MYO1D: variants seen among roughly 807,000 people sequenced by gnomAD.
The protein encoded by MYO1D is myosin ID, also known as unconventional myosin-Id.
In MYO1D, 83 loss-of-function variants were observed where a neutral mutation model predicts 122.0. That is an observed-to-expected ratio of 0.68 (90% confidence interval 0.57 to 0.82). The LOEUF (loss-of-function observed/expected upper bound fraction) is 0.82. Ranked by LOEUF, MYO1D falls within the 40% of genes least tolerant of loss-of-function variation. The pLI is 0.00. For missense variants in MYO1D, 1,157 were observed against 1,269.5 expected (o/e 0.91, Z 1.35); for synonymous variants, 464 against 446.9 (o/e 1.04, Z -0.48).
At chr17:32,554,270 G>A (rs1394320989) in intron 21 of MYO1D, among the ~76,000 whole-genome samples, 2 of 151,968 alleles carry the variant, frequency 1.3e-5, no homozygotes, top group African/African-American at 4.8e-5. Flanking sequence ...CCTGATGGGT[G>A]TACTCTGTAC....
At chr17:32,527,755 G>A (rs1028466872) in intron 21 of MYO1D, among the ~76,000 whole-genome samples, 1 of 152,098 alleles carries the variant, frequency 6.6e-6, no homozygotes. Flanking sequence ...CTGTGACTGT[G>A]CTACTGCATT....
At chr17:32,613,925 CT>C (rs2087737965) in intron 20 of MYO1D, among the ~76,000 whole-genome samples, 1 of 149,794 alleles carries the variant, frequency 6.7e-6, no homozygotes, top group African/African-American at 2.5e-5. Context: ...CTGGCTTTCA[CT>C]TTTTTCAGCC....
intron 1 of MYO1D, among the ~76,000 whole-genome samples, chr17:32,868,474 A>G (rs1054261317): frequency 6.6e-6 from 1 of 152,070 alleles, no homozygotes; most frequent in Admixed American, 6.5e-5. Context: ...CGCCATTGCA[A>G]ACTTTCATCC....
chr17:32,611,216 T>A (rs1054035514), intron 20 of MYO1D, among the ~76,000 whole-genome samples: 2 of 152,172 alleles, frequency 1.3e-5, no homozygotes, highest in Non-Finnish European at 2.9e-5. Flanking sequence ...AAATCTCTAA[T>A]CCATATTCTC....
intron 15 of MYO1D, among the ~76,000 whole-genome samples, chr17:32,715,010 T>A (rs185324487): frequency 6.6e-6 from 1 of 151,554 alleles, no homozygotes; most frequent in African/African-American, 2.4e-5. Flanking sequence ...GCAAAGGATA[T>A]AAACAGACAC....
At chr17:32,571,067 G>A (rs535762613) in intron 21 of MYO1D, among the ~76,000 whole-genome samples, 1 of 152,178 alleles carries the variant, frequency 6.6e-6, no homozygotes, top group South Asian at 2.1e-4. Flanking sequence ...GGTGGGTGGA[G>A]GGAAAAGTAA....
intron 1 of MYO1D, among the ~76,000 whole-genome samples, chr17:32,808,417 T>C (rs2151048408): frequency 6.7e-6 from 1 of 150,170 alleles, no homozygotes; most frequent in South Asian, 2.2e-4. Context: ...AAGTAATACG[T>C]CAATAATCAG....
chr17:32,771,210 C>A lies in MYO1D; in HGVS notation c.629G>T (p.Gly210Val). Reference sequence around the variant, plus strand: ...AGAGCGTAGCATTTGTTCTGAACCTCCTTGGAGTAGCTGAAAAATATTTAA... The same window carrying A: ...AGAGCGTAGCATTTGTTCTGAACCTACTTGGAGTAGCTGAAAAATATTTAA... ...SFHSFYQLLQ[G>V]GSEQMLRSLH... Residue 210 changes from glycine (G) to valine (V), a missense_variant, in exon 6 of 22, where the codon GGA becomes GTA. Physicochemically the swap from Gly to Val is moderately radical, Grantham distance 109. Coordinates refer to ENST00000318217, the MANE Select transcript of MYO1D (RefSeq NM_015194.3). 6.2e-7 allele frequency: 1 copy of A among 1,604,604 alleles called. No homozygotes were observed. The highest frequency in any genetic ancestry group is 8.5e-7 in the Non-Finnish European group (1 of 1,172,722).
chr17:32,797,771 G>A (rs1270269655), intron 1 of MYO1D, among the ~76,000 whole-genome samples: 1 of 152,150 alleles, frequency 6.6e-6, no homozygotes, highest in African/African-American at 2.4e-5. Flanking sequence ...GGTGGTTAAC[G>A]TCAAGCGCAT....
chr17:32,520,949 G>A (rs1210260203), intron 21 of MYO1D, among the ~76,000 whole-genome samples: 1 of 152,212 alleles, frequency 6.6e-6, no homozygotes, highest in Non-Finnish European at 1.5e-5. Context: ...AAATCAATCA[G>A]GGAATGGTAG....
intron 8 of MYO1D, 22 bp downstream of exon 8, chr17:32,764,856 A>C: frequency 1.2e-6 from 2 of 1,612,582 alleles, no homozygotes; most frequent in Non-Finnish European, 1.7e-6. Flanking sequence ...ACCAGGTGAC[A>C]TAGGGTCAGT....
chr17:32,869,417 T>C (rs2091159037), intron 1 of MYO1D, among the ~76,000 whole-genome samples: 1 of 152,200 alleles, frequency 6.6e-6, no homozygotes, highest in Non-Finnish European at 1.5e-5. Context: ...GCCATGTCGG[T>C]GAGGCTCATG....
chr17:32,683,528 C>T (rs1339499092), intron 16 of MYO1D, among the ~76,000 whole-genome samples: 7 of 151,992 alleles, frequency 4.6e-5, no homozygotes, highest in African/African-American at 7.3e-5. Flanking sequence ...GTCAGTGTGC[C>T]CCTGCTGGGG....
intron 13 of MYO1D, among the ~76,000 whole-genome samples, chr17:32,743,011 A>G (rs1347686645): frequency 3.9e-5 from 6 of 152,174 alleles, no homozygotes; most frequent in Admixed American, 2.6e-4. Context: ...GCTTTTGACA[A>G]GATTTGATGT....
intron 21 of MYO1D, among the ~76,000 whole-genome samples, chr17:32,577,636 A>C (rs891789891): frequency 1.8e-5 from 2 of 113,952 alleles, no homozygotes; most frequent in African/African-American, 1.1e-4. Context: ...GTCTAGTCAC[A>C]AAAAAAAAAG....
At chr17:32,502,395 A>G (rs549664014) in intron 21 of MYO1D, among the ~76,000 whole-genome samples, 1 of 152,294 alleles carries the variant, frequency 6.6e-6, no homozygotes, top group African/African-American at 2.4e-5. Flanking sequence ...GTGGCTGCCA[A>G]GGGCTGCGGG....
intron 21 of MYO1D, among the ~76,000 whole-genome samples, chr17:32,506,404 C>G (rs961181362): frequency 6.6e-6 from 1 of 152,004 alleles, no homozygotes; most frequent in African/African-American, 2.4e-5. Flanking sequence ...TAGGGAGACT[C>G]ATGAACTTGA....
At chr17:32,823,761 T>A (rs1418000820) in intron 1 of MYO1D, among the ~76,000 whole-genome samples, 1 of 152,092 alleles carries the variant, frequency 6.6e-6, no homozygotes, top group Admixed American at 6.5e-5. Flanking sequence ...CTGAACATCA[T>A]GCAAAAACTA....
At chr17:32,555,811 C>G (rs1055639343) in intron 21 of MYO1D, among the ~76,000 whole-genome samples, 10 of 152,188 alleles carry the variant, frequency 6.6e-5, no homozygotes, top group Non-Finnish European at 1.5e-4. Context: ...TTCAATTCCT[C>G]AAGCATACTA....
Sources: allele counts gnomAD v4.1 joint callset (sites outside exome capture counted in the v4.1 genomes callset), GRCh38; gene constraint gnomAD v4.1.1; transcripts MANE v1.5; gene names NCBI Gene and HGNC (gene_info 2026-07-23, HGNC 2026-07-21).